ABHD10: variants seen among roughly 807,000 people sequenced by gnomAD.
ABHD10 encodes the protein palmitoyl-protein thioesterase ABHD10, mitochondrial.
ABHD10 carries 22 observed loss-of-function variants against 33.1 expected under a neutral mutation model. The observed-to-expected ratio is 0.66, with a 90% CI of 0.47 to 0.95. The LOEUF is 0.95. Among genes scored for constraint, ABHD10 ranks in the 40% least tolerant of loss-of-function variants. ABHD10 has a pLI of 0.00. For synonymous variants in ABHD10, 146 were observed against 133.9 expected (o/e 1.09, Z -0.62); for missense variants, 352 against 379.9 (o/e 0.93, Z 0.61).
chr3:111,979,326 C>CA, intron 1 of ABHD10, 123 bp downstream of exon 1: 1 of 1,171,566 alleles, frequency 8.5e-7, no homozygotes, highest in Non-Finnish European at 1.2e-6. Flanking sequence ...CCTTTCTCAA[C>CA]ACCCCAGTTC....
At chr3:111,982,185 G>C (rs2072593840) in intron 2 of ABHD10, 1 of 366,690 alleles carries the variant, frequency 2.7e-6, no homozygotes, top group Non-Finnish European at 4.8e-6. Flanking sequence ...GGCAGAAAAG[G>C]ACATCTTAAG....
intron 4 of ABHD10, 83 bp downstream of exon 4, chr3:111,987,134 G>A (rs1577250887): frequency 1.3e-6 from 2 of 1,499,150 alleles, no homozygotes; most frequent in East Asian, 2.3e-5. Flanking sequence ...GGGAAGGGGG[G>A]ACAGAAAACA....
intron 2 of ABHD10, chr3:111,982,221 A>C (rs2072594095): frequency 3.3e-6 from 1 of 306,170 alleles, no homozygotes; most frequent in African/African-American, 2.1e-5. Flanking sequence ...TAAGCTCTTT[A>C]GAGGCAATAA....
At position 111,991,373 on chromosome 3, in the gene ABHD10, A is replaced by G. The variant is rs1283303967; in HGVS notation, c.577-4A>G. 5.0e-6 allele frequency: 8 copies of G among 1,589,052 alleles called. No homozygotes were observed. The highest frequency in any genetic ancestry group is 2.0e-5 in the Admixed American group (1 of 51,014). ...ACTTTTATTTTTCTTTCTTTTTCCA[A>G]TAGCTAAAAAAGGAAGTAGAGATGA... On this transcript the variant is annotated splice_polypyrimidine_tract_variant and splice_region_variant and intron_variant, in intron 4 of 4. Transcript: ENST00000273359.
chr3:111,981,646 G>A (rs1340821813), intron 1 of ABHD10, 138 bp from the exon 2 acceptor site: 2 of 751,662 alleles, frequency 2.7e-6, no homozygotes, highest in Non-Finnish European at 4.0e-6. Flanking sequence ...CTTTGAGTCT[G>A]TTCTTGTTTT....
At chr3:111,990,057 G>T (rs1033303501) in intron 4 of ABHD10, among the ~76,000 whole-genome samples, 2 of 151,640 alleles carry the variant, frequency 1.3e-5, no homozygotes, top group African/African-American at 4.8e-5. Flanking sequence ...CATTTTTCTA[G>T]AAATGCCCTT....
In ABHD10 at chr3:111,986,217, G is replaced by A. The variant is rs767106758; in HGVS notation, c.327-47G>A. On this transcript the variant is annotated intron_variant, in intron 2 of 4. Transcript: ENST00000273359. ...GCTATCTTTCTTAAAAATTAAAGAA[G>A]CAGATATATAGATATTTAGATATAG... 5.8e-6 allele frequency: 6 copies of A among 1,029,124 alleles called. No homozygotes were observed. The Admixed American group carries it at 1.2e-4, about 21-fold the overall frequency. 63.7% of individuals were successfully genotyped at this position (1,029,124 alleles called of 1,614,324 possible). A position where few individuals can be genotyped will look rare whatever the true frequency, so the allele number is the denominator to read the frequency against.
rs764353688 is a variant in ABHD10 at position 111,993,089 on chromosome 3, T to G, written c.*1368T>G. The G allele has an allele frequency of 2.0e-5, 3 of 152,166 alleles. No individual in the cohort carries two copies. Among genetic ancestry groups the G allele is most frequent in the Non-Finnish European group, 4.4e-5 (3 of 68,040 alleles). The allele number at this position is 152,166 out of a possible 1,614,324, so 9.4% of individuals were successfully genotyped here. A position where few individuals can be genotyped will look rare whatever the true frequency, so the allele number is the denominator to read the frequency against. ...GCTTTCCTTCTGGGAGTCTGGAATT[T>G]TGGTATGTGCCAGGCAGAGACTACC... On this transcript the variant is annotated 3_prime_UTR_variant, in exon 5 of 5. Coordinates refer to ENST00000273359, the MANE Select transcript of ABHD10 (RefSeq NM_018394.4).
chr3:111,990,384 T>C (rs1242915034), intron 4 of ABHD10, among the ~76,000 whole-genome samples: 2 of 151,968 alleles, frequency 1.3e-5, no homozygotes, highest in Admixed American at 1.3e-4. Flanking sequence ...AAAACACATA[T>C]AGACAAATAT....
chr3:111,992,046 A>C lies in ABHD10; in HGVS notation c.*325A>C, dbSNP rs553350948. 68 of 175,722 alleles carry C rather than the reference A, an allele frequency of 3.9e-4. No homozygotes were observed. In the Middle Eastern group the frequency reaches 6.9e-3, roughly 18 times the overall value. 10.9% of individuals were successfully genotyped at this position (175,722 alleles called of 1,614,324 possible). A position where few individuals can be genotyped will look rare whatever the true frequency, so the allele number is the denominator to read the frequency against. On this transcript the variant is annotated 3_prime_UTR_variant, in exon 5 of 5. Coordinates refer to ENST00000273359, the MANE Select transcript of ABHD10 (RefSeq NM_018394.4). ...GCATCCTTTTCTAATTAGGATTATT[A>C]ATAAAGCGTGAATATTTTGTTTTTT...
In ABHD10 at chr3:111,981,876, A is replaced by G; in HGVS notation, c.235A>G (p.Ile79Val). ...KKLKGKSPGI[I>V]FIPGYLSYMN... ...GCTAAAAGGCAAAAGTCCAGGAATT[A>G]TCTTCATCCCTGGCTATCTTTCTTA... The change falls in exon 2 of 5, where the codon ATC (isoleucine) becomes GTC (valine). Residue 79 changes from isoleucine (I) to valine (V), a missense_variant. Coordinates refer to ENST00000273359, the MANE Select transcript of ABHD10 (RefSeq NM_018394.4). 1 of 1,608,446 alleles carries G rather than the reference A, an allele frequency of 6.2e-7. No individual in the cohort carries two copies. Among genetic ancestry groups the G allele is most frequent in the Non-Finnish European group, 8.5e-7 (1 of 1,175,946 alleles).
At position 111,991,408 on chromosome 3, in the gene ABHD10, G is replaced by A; in HGVS notation, c.608G>A (p.Trp203Ter). The A allele has an allele frequency of 6.2e-7, 1 of 1,612,376 alleles. No individual in the cohort carries two copies. Among genetic ancestry groups the A allele is most frequent in the Non-Finnish European group, 8.5e-7 (1 of 1,179,526 alleles). Residue 203 changes from tryptophan to a stop codon, truncating the protein, a stop_gained, in exon 5 of 5, where the codon TGG becomes TAG. Coordinates refer to ENST00000273359, the MANE Select transcript of ABHD10 (RefSeq NM_018394.4). LOFTEE classifies it high-confidence loss of function. ...LKKEVEMKGVWSMPSKYSEEG... is the reference protein window; with the variant it reads ...LKKEVEMKGV ...AAGGAAGTAGAGATGAAAGGTGTGT[G>A]GAGCATGCCATCAAAATACTCTGAA...
chr3:111,990,449 G>A (rs1004207914), intron 4 of ABHD10, among the ~76,000 whole-genome samples: 7 of 151,928 alleles, frequency 4.6e-5, no homozygotes, highest in African/African-American at 1.7e-4. Flanking sequence ...ATAGGATTAT[G>A]GGTGATTTAT....
chr3:111,990,774 G>T (rs1224844278), intron 4 of ABHD10: 1 of 1,202,984 alleles, frequency 8.3e-7, no homozygotes, highest in African/African-American at 1.6e-5. Flanking sequence ...TTGTTACAAT[G>T]TAATTACTCT....
chr3:111,989,455 T>C (rs1033348541), intron 4 of ABHD10, among the ~76,000 whole-genome samples: 41 of 152,240 alleles, frequency 2.7e-4, no homozygotes, highest in African/African-American at 8.7e-4. Flanking sequence ...TTAACTTTGT[T>C]CTTCAGATGG....
chr3:111,991,293 T>G (rs6795440), intron 4 of ABHD10, 84 bp from the exon 5 acceptor site: 233,817 of 1,162,456 alleles, frequency 0.2, 24,415 homozygotes, highest in Middle Eastern at 0.27. Flanking sequence ...AAGAACTGCT[T>G]TCATTAGATT....
chr3:111,980,238 G>A (rs2072565458), intron 1 of ABHD10, among the ~76,000 whole-genome samples: 1 of 152,168 alleles, frequency 6.6e-6, no homozygotes, highest in Non-Finnish European at 1.5e-5. Context: ...TTAGTGCTCA[G>A]CTGAGTAGAT....
At chr3:111,982,525 C>T (rs534432395) in intron 2 of ABHD10, among the ~76,000 whole-genome samples, 2 of 151,870 alleles carry the variant, frequency 1.3e-5, no homozygotes, top group Non-Finnish European at 2.9e-5. Flanking sequence ...ATTATAAGGT[C>T]TACCTGTAGC....
intron 4 of ABHD10, chr3:111,990,734 C>G (rs1430063937): frequency 2.1e-6 from 3 of 1,419,382 alleles, no homozygotes; most frequent in Non-Finnish European, 2.8e-6. Flanking sequence ...TCTTTACATT[C>G]AGCCTAAAAT....
Sources: gnomAD v4.1 joint callset for allele counts (sites outside exome capture counted in the v4.1 genomes callset) on GRCh38, gnomAD v4.1.1 for gene constraint, MANE v1.5 for transcripts, NCBI Gene and HGNC (gene_info 2026-07-23, HGNC 2026-07-21) for gene names.